The following VPS41 variants were observed in gnomAD, a reference collection of about 807,000 sequenced individuals.
VPS41 encodes the protein vacuolar protein sorting-associated protein 41 homolog.
A neutral mutation model predicts 130.9 loss-of-function variants in VPS41; 85 were observed. The observed-to-expected ratio is 0.65, with a 90% CI of 0.55 to 0.78. VPS41 has a LOEUF of 0.78. Ranked by LOEUF, VPS41 falls within the 30% of genes least tolerant of loss-of-function variation. The pLI is 0.00. For synonymous variants in VPS41, 335 were observed against 332.9 expected, an observed-to-expected ratio of 1.01 and a Z score of -0.07; for missense variants, 874 against 1,018.7, an observed-to-expected ratio of 0.86 and a Z score of 1.93.
intron 26 of VPS41, 34 bp downstream of exon 26, chr7:38,728,658 C>T (rs766506134): frequency 2.3e-5 from 37 of 1,613,318 alleles, no homozygotes; most frequent in East Asian, 1.1e-4. Flanking sequence ...AAGCAGGGCA[C>T]GTGGTTCCAT....
At chr7:38,826,151 C>G (rs967162913) in intron 5 of VPS41, among the ~76,000 whole-genome samples, 9 of 152,146 alleles carry the variant, frequency 5.9e-5, no homozygotes, top group African/African-American at 2.2e-4. Flanking sequence ...CTAGTTCCCC[C>G]CAGGGAGCTG....
chr7:38,751,304 C>A (rs1340332964), intron 22 of VPS41, among the ~76,000 whole-genome samples: 2 of 152,178 alleles, frequency 1.3e-5, no homozygotes, highest in African/African-American at 4.8e-5. Flanking sequence ...TGTTGGTCCA[C>A]ACAGCTGACT....
At chr7:38,876,345 T>C (rs563805875) in intron 2 of VPS41, among the ~76,000 whole-genome samples, 5 of 152,360 alleles carry the variant, frequency 3.3e-5, no homozygotes, top group Admixed American at 2.6e-4. Context: ...AGTGAAAGAA[T>C]AGGTCATAAA....
At chr7:38,867,485 C>A (rs1012054282) in intron 3 of VPS41, among the ~76,000 whole-genome samples, 9 of 151,422 alleles carry the variant, frequency 5.9e-5, no homozygotes, top group African/African-American at 1.9e-4. Flanking sequence ...GCGGAGGTTG[C>A]AGTGAGCCCA....
chr7:38,736,147 G>A lies in VPS41; in HGVS notation c.2259+5838C>T, dbSNP rs377374127. On this transcript the variant is annotated intron_variant, in intron 25 of 28. Coordinates refer to ENST00000310301, the MANE Select transcript of VPS41 (RefSeq NM_014396.4). Reference sequence around the variant, plus strand: ...ATATGTAAAGAGATATTTATAAAACGCCTCTGTTAAGAACTTTAGAAACAA... The same window carrying A: ...ATATGTAAAGAGATATTTATAAAACACCTCTGTTAAGAACTTTAGAAACAA... Among the ~76,000 whole-genome samples, 5 of 152,232 alleles carry A rather than the reference G, an allele frequency of 3.3e-5. 1 individual carries two copies. Among genetic ancestry groups the A allele is most frequent in the East Asian group, 1.9e-4 (1 of 5,190 alleles).
chr7:38,851,125 T>C (rs1785844838), intron 4 of VPS41, among the ~76,000 whole-genome samples: 1 of 152,166 alleles, frequency 6.6e-6, no homozygotes, highest in African/African-American at 2.4e-5. Flanking sequence ...CACTGAAAAG[T>C]TGGTTCCTGG....
chr7:38,908,390 T>C (rs1471107692), intron 1 of VPS41, among the ~76,000 whole-genome samples: 2 of 152,226 alleles, frequency 1.3e-5, no homozygotes, highest in African/African-American at 4.8e-5. Flanking sequence ...ATAATTCATA[T>C]TCCCATCACC....
At chr7:38,797,529 T>C (rs1390192708) in intron 7 of VPS41, among the ~76,000 whole-genome samples, 1 of 152,226 alleles carries the variant, frequency 6.6e-6, no homozygotes, top group East Asian at 1.9e-4. Context: ...TAGGAAGTCA[T>C]ACATTATTAA....
At chr7:38,747,221 C>A (rs1796003583) in intron 22 of VPS41, among the ~76,000 whole-genome samples, 2 of 152,068 alleles carry the variant, frequency 1.3e-5, no homozygotes, top group African/African-American at 4.8e-5. Context: ...AGACAAAAAA[C>A]ATAAGTAAGA....
At chr7:38,906,353 G>A (rs1044674401) in intron 1 of VPS41, among the ~76,000 whole-genome samples, 3 of 147,664 alleles carry the variant, frequency 2.0e-5, no homozygotes, top group Non-Finnish European at 3.0e-5. Flanking sequence ...TTTGTTTTTC[G>A]TTTTTTTTTT....
At chr7:38,805,470 T>C (rs1250615718) in intron 7 of VPS41, among the ~76,000 whole-genome samples, 2 of 151,884 alleles carry the variant, frequency 1.3e-5, no homozygotes, top group Admixed American at 6.6e-5. Flanking sequence ...GAAGCAGAGA[T>C]TGCAGTGAGC....
intron 10 of VPS41, among the ~76,000 whole-genome samples, chr7:38,785,567 G>A (rs1375751420): frequency 6.6e-6 from 1 of 152,222 alleles, no homozygotes; most frequent in Non-Finnish European, 1.5e-5. Flanking sequence ...CAGCACTGAT[G>A]AGGAATATTT....
intron 2 of VPS41, among the ~76,000 whole-genome samples, chr7:38,887,363 T>A (rs538089585): frequency 2.6e-4 from 39 of 152,152 alleles, no homozygotes; most frequent in African/African-American, 8.4e-4. Flanking sequence ...AACCACAATA[T>A]GAGAACTTCG....
intron 10 of VPS41, among the ~76,000 whole-genome samples, chr7:38,783,547 G>A (rs1036901274): frequency 6.6e-6 from 1 of 151,852 alleles, no homozygotes; most frequent in African/African-American, 2.4e-5. Flanking sequence ...AAAAAAAAGA[G>A]ATAATTAAAA....
chr7:38,799,819 T>G (rs1295021204), intron 7 of VPS41, among the ~76,000 whole-genome samples: 1 of 151,486 alleles, frequency 6.6e-6, no homozygotes, highest in Non-Finnish European at 1.5e-5. Context: ...AAATCAACAC[T>G]CAAAACAATA....
intron 2 of VPS41, among the ~76,000 whole-genome samples, chr7:38,886,902 C>G (rs1310033113): frequency 6.6e-6 from 1 of 152,184 alleles, no homozygotes; most frequent in African/African-American, 2.4e-5. Flanking sequence ...GAATGGACCT[C>G]TAGCAAACTG....
At position 38,771,214 on chromosome 7, in the gene VPS41, T is replaced by C. The variant is rs373070407; in HGVS notation, c.1169A>G (p.Lys390Arg). Residue 390 changes from lysine to arginine, a missense_variant, in exon 14 of 29, where the codon AAA becomes AGA. Transcript: ENST00000310301. Reference sequence around the variant, plus strand: ...CACACTTACCAGAATCTTATGTCTTTTAATATTTTTTTGGCTAATTTCAGC... The same window carrying C: ...CACACTTACCAGAATCTTATGTCTTCTAATATTTTTTTGGCTAATTTCAGC... ...MAAEISQKNI[K>R]RHKILDIGLA... The C allele has an allele frequency of 3.1e-6, 5 of 1,602,004 alleles. No homozygotes were observed. In the African/African-American group the frequency reaches 6.7e-5, roughly 21 times the overall value.
At chr7:38,900,068 T>C (rs1787109012) in intron 1 of VPS41, among the ~76,000 whole-genome samples, 1 of 152,004 alleles carries the variant, frequency 6.6e-6, no homozygotes, top group African/African-American at 2.4e-5. Context: ...GCCAACATGG[T>C]GAAACCTCAT....
intron 27 of VPS41, 24 bp downstream of exon 27, chr7:38,728,518 T>C (rs1371841713): frequency 6.2e-7 from 1 of 1,613,366 alleles, no homozygotes; most frequent in Non-Finnish European, 8.5e-7. Flanking sequence ...ATGTTTGGGA[T>C]TTTTTTGGGG....
Sources: allele counts gnomAD v4.1 joint callset (sites outside exome capture counted in the v4.1 genomes callset), GRCh38; gene constraint gnomAD v4.1.1; transcripts MANE v1.5; gene names NCBI Gene and HGNC (gene_info 2026-07-23, HGNC 2026-07-21).